Variants in ACTR8 observed in about 807,000 individuals in gnomAD.
ACTR8 encodes the protein actin-related protein 8.
ACTR8 carries 70 observed loss-of-function variants against 84.3 expected under a neutral mutation model. The observed-to-expected ratio is 0.83, with a 90% CI of 0.68 to 1.01. The LOEUF (loss-of-function observed/expected upper bound fraction) is 1.01. Ranked by LOEUF, ACTR8 falls within the 50% of genes least tolerant of loss-of-function variation. ACTR8 has a pLI of 0.00. For synonymous variants in ACTR8, 268 were observed against 275.2 expected, an observed-to-expected ratio of 0.97 and a Z score of 0.26; for missense variants, 672 against 775.4, an observed-to-expected ratio of 0.87 and a Z score of 1.58.
Position 53,868,863 on chromosome 3 carries a change from C to A in ACTR8, c.1732-1G>T. ...ATGCAATCAGCCGGGGGTCCATGTC[C>A]TACAGAAGGGATGAAGGCATTTCAG... On this transcript the variant is annotated splice_acceptor_variant, in intron 12 of 12. Coordinates refer to ENST00000335754, the MANE Select transcript of ACTR8 (RefSeq NM_022899.5). LOFTEE classifies it high-confidence loss of function. 1 of 1,613,530 alleles carries A rather than the reference C, an allele frequency of 6.2e-7. No individual in the cohort carries two copies. The highest frequency in any genetic ancestry group is 1.7e-5 in the Admixed American group (1 of 59,910).
At chr3:53,869,930 C>T (rs1699858632) in intron 12 of ACTR8, 52 bp downstream of exon 12, 3 of 1,597,596 alleles carry the variant, frequency 1.9e-6, no homozygotes, top group Middle Eastern at 3.4e-4. Context: ...TGTCCACATA[C>T]AAGGCTGGTT....
At chr3:53,874,076 G>A (rs71617207) in intron 8 of ACTR8, 135 bp downstream of exon 8, 33,676 of 774,342 alleles carry the variant, frequency 0.043, 939 homozygotes, top group Middle Eastern at 0.079. Flanking sequence ...CACCCACCTC[G>A]GCCTCCCAAA....
chr3:53,860,766 G>GA, the ACTR8 span: 1 of 151,684 alleles, frequency 6.6e-6, no homozygotes, highest in African/African-American at 2.4e-5. Context: ...TTAAAATATT[G>GA]AAAAAAATGA....
In ACTR8 at chr3:53,870,075, T is replaced by A; in HGVS notation, c.1638A>T (p.Lys546Asn). ...LVVGGGLMFH[K>N]AQEFLQHRIL... ...TTCTGTGCTGCAGAAATTCTTGAGC[T>A]TTATGAAACATCAAACCACCTCCCA... is the stretch of plus-strand genomic sequence containing the variant. The change falls in exon 12 of 13, where the codon AAA (lysine) becomes AAT (asparagine). Residue 546 changes from lysine to asparagine, a missense_variant. Physicochemically the swap from Lys to Asn is moderately conservative, Grantham distance 94 (BLOSUM62 0). Coordinates refer to ENST00000335754, the MANE Select transcript of ACTR8 (RefSeq NM_022899.5). This position sits in a 1 kb window ranked among gnomAD's most constrained non-coding sequence, Gnocchi z 4.1. 6.2e-7 allele frequency: 1 copy of A among 1,614,248 alleles called. No individual in the cohort carries two copies. The highest frequency in any genetic ancestry group is 8.5e-7 in the Non-Finnish European group (1 of 1,180,048).
At chr3:53,871,562 G>C (rs2107054586) in intron 10 of ACTR8, 66 bp from the exon 11 acceptor site, 9 of 1,556,244 alleles carry the variant, frequency 5.8e-6, no homozygotes, top group South Asian at 1.2e-5. Context: ...ATGTTGTCTA[G>C]CTAGATCCCT....
chr3:53,878,155 C>CT (rs1364463823), intron 3 of ACTR8, among the ~76,000 whole-genome samples: 1 of 152,146 alleles, frequency 6.6e-6, no homozygotes, highest in Non-Finnish European at 1.5e-5. Flanking sequence ...ATCAACTTGC[C>CT]TACCACCACC....
Position 53,874,379 on chromosome 3 carries a change from A to C in ACTR8, c.912-15T>G, listed in dbSNP as rs1374866960. ...CCAGACAAAGCCTAAAGTTAAGAGA[A>C]AAGGGTAGATGGTTAATCTGTTGGT... is the stretch of plus-strand genomic sequence containing the variant. On this transcript the variant is annotated splice_polypyrimidine_tract_variant and intron_variant, in intron 7 of 12. Coordinates refer to ENST00000335754, the MANE Select transcript of ACTR8 (RefSeq NM_022899.5). The C allele has an allele frequency of 6.2e-7, 1 of 1,610,328 alleles. No individual in the cohort carries two copies. The highest frequency in any genetic ancestry group is 2.2e-5 in the East Asian group (1 of 44,744).
Position 53,877,229 on chromosome 3 carries a change from T to A in ACTR8, c.669A>T (p.Pro223=), listed in dbSNP as rs1443076946. The change falls in exon 5 of 13, where the codon CCA becomes CCT. Residue 223 remains proline (P), a synonymous_variant. Coordinates refer to ENST00000335754, the MANE Select transcript of ACTR8 (RefSeq NM_022899.5). Reference sequence around the variant, plus strand: ...TTTAGCTCACCTTTAAATCTTTCAGTGGGATTTCCAAGTATTTTTGTATCG... The same window carrying A: ...TTTAGCTCACCTTTAAATCTTTCAGAGGGATTTCCAAGTATTTTTGTATCG... ...SHAIQKYLEI[P]LKDLKYYRCI... The A allele has an allele frequency of 6.2e-7, 1 of 1,602,094 alleles. No homozygotes were observed. Among genetic ancestry groups the A allele is most frequent in the Non-Finnish European group, 8.5e-7 (1 of 1,176,188 alleles).
downstream of ACTR8, chr3:53,865,231 G>A (rs1250205762): frequency 6.2e-7 from 1 of 1,613,574 alleles, no homozygotes; most frequent in Admixed American, 1.7e-5. Flanking sequence ...TTTCTGTGCA[G>A]AACTTCTCCA....
intron 8 of ACTR8, 51 bp from the exon 9 acceptor site, chr3:53,873,178 C>A (rs749493995): frequency 1.5e-5 from 21 of 1,432,492 alleles, no homozygotes; most frequent in Admixed American, 5.4e-5. Flanking sequence ...TGCATGTAAA[C>A]TCTTCAAATT....
At chr3:53,872,208 TAGAG>T (rs1699893144) in intron 10 of ACTR8, among the ~76,000 whole-genome samples, 172 bp downstream of exon 10, 1 of 152,254 alleles carries the variant, frequency 6.6e-6, no homozygotes, top group African/African-American at 2.4e-5. Flanking sequence ...GTTTGCTGAA[TAGAG>T]AAATATGTCT....
chr3:53,865,107 C>A, downstream of ACTR8: 1 of 1,614,146 alleles, frequency 6.2e-7, no homozygotes, highest in Non-Finnish European at 8.5e-7. Flanking sequence ...ATCTAAGAAG[C>A]CAGATTCATC....
At chr3:53,866,663 A>T (rs12638453), downstream of ACTR8, among the ~76,000 whole-genome samples, 1 of 66,954 alleles carries the variant, frequency 1.5e-5, no homozygotes, top group African/African-American at 6.1e-5. Context: ...TTATATTTTT[A>T]GTAGAGACGG....
intron 7 of ACTR8, 53 bp downstream of exon 7, chr3:53,875,895 A>T (rs1699957690): frequency 6.2e-7 from 1 of 1,608,206 alleles, no homozygotes; most frequent in Admixed American, 1.7e-5. Context: ...TTTACGGTTG[A>T]ACAGATTATG....
In ACTR8 at chr3:53,872,504, G is replaced by A; in HGVS notation, c.1182C>T (p.Tyr394=). 6.2e-7 allele frequency: 1 copy of A among 1,608,566 alleles called. No homozygotes were observed. The highest frequency in any genetic ancestry group is 8.5e-7 in the Non-Finnish European group (1 of 1,178,102). The change falls in exon 10 of 13, where the codon TAC becomes TAT. Residue 394 remains tyrosine, a synonymous_variant. Transcript: ENST00000335754. ...GTCCAACGATTCCAAAAGTTGCGGG[G>A]TAAAACAAAGCCATTGGAGCCTGTA... ...EKLQAPMALF[Y]PATFGIVGQK...
At chr3:53,862,232 C>T (rs143867101), downstream of ACTR8, among the ~76,000 whole-genome samples, 6 of 152,210 alleles carry the variant, frequency 3.9e-5, no homozygotes, top group East Asian at 1.2e-3. Context: ...TCTCCTTGCC[C>T]CCAAACACAT....
At chr3:53,869,470 TC>T (rs1699850891) in intron 12 of ACTR8, among the ~76,000 whole-genome samples, 1 of 152,306 alleles carries the variant, frequency 6.6e-6, no homozygotes, top group South Asian at 2.1e-4. Context: ...AATAAATAGA[TC>T]CCCACAATCC....
rs549586235 is a variant in ACTR8, at chr3:53,882,076, G to A, written c.26C>T (p.Thr9Met). Residue 9 changes from threonine (T) to methionine (M), a missense_variant, in exon 1 of 13, where the codon ACG becomes ATG. By Grantham distance (81) the Thr-to-Met change is moderately conservative (BLOSUM62 -1). Coordinates refer to ENST00000335754, the MANE Select transcript of ACTR8 (RefSeq NM_022899.5). MTQAEKGD[T>M]ENGKEKGGEK... Reference sequence around the variant, plus strand: ...GCCGCCCTTCTCCTTTCCGTTCTCCGTATCACCCTTCTCAGCCTGGGTCAT... The same window carrying A: ...GCCGCCCTTCTCCTTTCCGTTCTCCATATCACCCTTCTCAGCCTGGGTCAT... The A allele has an allele frequency of 1.4e-5, 22 of 1,551,610 alleles. No homozygotes were observed. Among genetic ancestry groups the A allele is most frequent in the Non-Finnish European group, 3.5e-6 (4 of 1,146,868 alleles).
downstream of ACTR8, among the ~76,000 whole-genome samples, chr3:53,862,202 C>T (rs1322661129): frequency 2.0e-5 from 3 of 152,152 alleles, no homozygotes; most frequent in African/African-American, 4.8e-5. Flanking sequence ...ATGAGTTCAA[C>T]ACTAAAGTCC....
Sources: allele counts gnomAD v4.1 joint callset (sites outside exome capture counted in the v4.1 genomes callset), GRCh38; gene constraint gnomAD v4.1.1; non-coding constraint Gnocchi (gnomAD v3.1); transcripts MANE v1.5; gene names NCBI Gene and HGNC (gene_info 2026-07-23, HGNC 2026-07-21).